Variants in KCNN2 observed in about 807,000 individuals in gnomAD.
The protein encoded by KCNN2 is small conductance calcium-activated potassium channel protein 2.
In KCNN2, 24 loss-of-function variants were observed where a neutral mutation model predicts 55.5. The ratio of observed to expected loss-of-function variants is 0.43; its 90% CI spans 0.31 to 0.61. KCNN2 has a LOEUF of 0.61. KCNN2 is among the 20% of genes least tolerant of loss of function. The pLI, the probability that KCNN2 is intolerant of heterozygous loss-of-function variation, is 0.08. For synonymous variants in KCNN2, 431 were observed against 336.1 expected (o/e 1.28, Z -3.09); for missense variants, 754 against 853.6 (o/e 0.88, Z 1.45).
At position 114,263,930 on chromosome 5, in the gene KCNN2, C is replaced by G. The variant is rs138234415; in HGVS notation, c.-185+42365C>G. 1.8e-3 allele frequency among the ~76,000 whole-genome samples: 281 copies of G among 152,258 alleles called. 2 individuals are homozygous for G. The highest frequency in any genetic ancestry group is 6.6e-3 in the African/African-American group (273 of 41,526). On this transcript the variant is annotated intron_variant, in intron 2 of 10. Coordinates refer to the KCNN2 transcript ENST00000512097. ...TGCTTATTAAGACACCCTTATTCAT[C>G]CTGAGCTGACCCAAATGCAAGCAAG...
intron 3 of KCNN2, among the ~76,000 whole-genome samples, chr5:114,460,441 C>A (rs1761141425): frequency 6.6e-6 from 1 of 152,134 alleles, no homozygotes; most frequent in South Asian, 2.1e-4. Context: ...TGGGGTTTCA[C>A]TGTGTTGGCC....
At chr5:114,433,470 GC>G (rs1280655252) in intron 3 of KCNN2, 1 of 152,268 alleles carries the variant, frequency 6.6e-6, no homozygotes, top group Admixed American at 6.5e-5. Context: ...TGTGGGTGGG[GC>G]CAGATAAGAG....
intron 1 of KCNN2, among the ~76,000 whole-genome samples, chr5:114,082,358 A>G (rs1280733333): frequency 1.3e-5 from 2 of 152,030 alleles, no homozygotes; most frequent in African/African-American, 2.4e-5. Flanking sequence ...GCTGAACATT[A>G]CTAGTCACTA....
At chr5:114,476,670 C>T (rs944696462) in intron 5 of KCNN2, among the ~76,000 whole-genome samples, 1 of 152,134 alleles carries the variant, frequency 6.6e-6, no homozygotes, top group African/African-American at 2.4e-5. Context: ...ATCCGCCTGC[C>T]TTAGCCTCCC....
chr5:114,159,036 C>A (rs1752704724), intron 1 of KCNN2, among the ~76,000 whole-genome samples: 1 of 152,128 alleles, frequency 6.6e-6, no homozygotes, highest in African/African-American at 2.4e-5. Flanking sequence ...ACCTCCAACA[C>A]TATGTTGGAA....
At chr5:114,441,834 C>G (rs1331472469) in intron 3 of KCNN2, among the ~76,000 whole-genome samples, 3 of 152,122 alleles carry the variant, frequency 2.0e-5, no homozygotes, top group African/African-American at 7.2e-5. Flanking sequence ...TTTGGGTCAC[C>G]TCACTTTGCT....
intron 1 of KCNN2, 66 bp downstream of exon 1, chr5:114,363,327 C>A: frequency 6.8e-7 from 1 of 1,467,358 alleles, no homozygotes; most frequent in Non-Finnish European, 9.0e-7. Flanking sequence ...TGGGCACTGG[C>A]GGGGACCCTT....
rs529329926 is a variant in KCNN2, at chr5:114,111,002, A to G, written c.-271+54502A>G. The stretch of plus-strand genomic sequence containing the variant: ...ACTCTAAAGTTCATATGGAACCAAA[A>G]AAGAGCCTGCATTGCCAAGACAATT... On this transcript the variant is annotated intron_variant, in intron 1 of 10. Coordinates refer to the KCNN2 transcript ENST00000512097. Among the ~76,000 whole-genome samples, 488 of 152,288 alleles carry G rather than the reference A, an allele frequency of 3.2e-3. 5 individuals carry two copies. The highest frequency in any genetic ancestry group is 0.011 in the African/African-American group (475 of 41,564).
intron 1 of KCNN2, among the ~76,000 whole-genome samples, chr5:114,079,469 C>T (rs1025440409): frequency 6.6e-6 from 1 of 152,166 alleles, no homozygotes; most frequent in African/African-American, 2.4e-5. Flanking sequence ...AAGGGTAGGG[C>T]AGACCTAGGC....
intron 1 of KCNN2, among the ~76,000 whole-genome samples, chr5:114,086,999 C>G (rs1561469615): frequency 6.9e-6 from 1 of 144,222 alleles, no homozygotes; most frequent in East Asian, 1.9e-4. Context: ...GATGGTATCT[C>G]ATCGTGGTTC....
intron 3 of KCNN2, among the ~76,000 whole-genome samples, chr5:114,425,147 G>C (rs539979595): frequency 6.6e-6 from 1 of 152,280 alleles, no homozygotes; most frequent in East Asian, 1.9e-4. Flanking sequence ...GTAAATGAAA[G>C]ATACTACAAT....
intron 2 of KCNN2, among the ~76,000 whole-genome samples, chr5:114,256,593 C>G (rs998060718): frequency 6.6e-6 from 1 of 151,930 alleles, no homozygotes; most frequent in Non-Finnish European, 1.5e-5. Flanking sequence ...GATGGTATTT[C>G]TTGGTTTTCA....
intron 2 of KCNN2, among the ~76,000 whole-genome samples, chr5:114,283,251 T>C (rs977540595): frequency 6.6e-6 from 1 of 152,208 alleles, no homozygotes; most frequent in Admixed American, 6.5e-5. Flanking sequence ...TTTTGTTTCA[T>C]CATGCTTCAT....
chr5:114,490,842 TAAGTG>T (rs1166123932), intron 6 of KCNN2: 2 of 396,924 alleles, frequency 5.0e-6, no homozygotes, highest in African/African-American at 4.1e-5. Context: ...TTTCCTGTGA[TAAGTG>T]AAGTTCACAA....
intron 2 of KCNN2, among the ~76,000 whole-genome samples, chr5:114,402,946 T>A (rs968135205): frequency 3.3e-5 from 5 of 150,370 alleles, no homozygotes; most frequent in African/African-American, 9.8e-5. Flanking sequence ...AGCAGAGGAG[T>A]AGTGAAAAGG....
At chr5:114,392,481 T>G (rs1758475286) in intron 2 of KCNN2, among the ~76,000 whole-genome samples, 1 of 152,200 alleles carries the variant, frequency 6.6e-6, no homozygotes, top group Non-Finnish European at 1.5e-5. Context: ...GGAATGGGCA[T>G]GAGACTTCAA....
chr5:114,109,490 GT>G (rs1241757428), intron 1 of KCNN2, among the ~76,000 whole-genome samples: 2 of 152,052 alleles, frequency 1.3e-5, no homozygotes, highest in Non-Finnish European at 2.9e-5. Context: ...CCATCTTAGA[GT>G]TTGTCCACCT....
At chr5:114,128,481 A>G (rs1298246141) in intron 1 of KCNN2, among the ~76,000 whole-genome samples, 1 of 152,160 alleles carries the variant, frequency 6.6e-6, no homozygotes, top group African/African-American at 2.4e-5. Flanking sequence ...CTCGCATGAC[A>G]TGTGGGGATT....
intron 1 of KCNN2, among the ~76,000 whole-genome samples, chr5:114,074,067 G>A (rs1307484028): frequency 6.6e-6 from 1 of 151,918 alleles, no homozygotes; most frequent in Non-Finnish European, 1.5e-5. Context: ...TTACTGCCCT[G>A]GTTTTATTCT....
Sources: allele counts gnomAD v4.1 joint callset (sites outside exome capture counted in the v4.1 genomes callset), GRCh38; gene constraint gnomAD v4.1.1; transcripts MANE v1.5; gene names NCBI Gene and HGNC (gene_info 2026-07-23, HGNC 2026-07-21).